The following SDHAF2 variants were observed in gnomAD, a reference collection of about 807,000 sequenced individuals.
SDHAF2 encodes the protein succinate dehydrogenase assembly factor 2, mitochondrial.
Under a neutral mutation model 18.5 loss-of-function variants are expected in SDHAF2, and 21 were observed. The observed-to-expected ratio is 1.13, with a 90% CI of 0.80 to 1.63. SDHAF2 has a LOEUF of 1.63. SDHAF2 is among the 40% of genes most tolerant of loss of function. The probability of loss-of-function intolerance (pLI) is 0.00; values close to 1 mark genes in which losing one functional copy is unlikely to be tolerated. For synonymous variants in SDHAF2, 84 were observed against 70.7 expected (o/e 1.19, Z -0.94); for missense variants, 195 against 200.3 (o/e 0.97, Z 0.16).
At chr11:61,431,801 A>T (rs547164762) in intron 1 of SDHAF2, 2 of 152,160 alleles carry the variant, frequency 1.3e-5, no homozygotes, top group African/African-American at 4.8e-5. Flanking sequence ...GGTTCACGCC[A>T]ATCTCCTGGT....
chr11:61,435,470 A>G (rs1861981857), intron 1 of SDHAF2: 1 of 152,134 alleles, frequency 6.6e-6, no homozygotes, highest in Non-Finnish European at 1.5e-5. Context: ...GGTAACTTGT[A>G]CTGGTGATTT....
intron 1 of SDHAF2, chr11:61,436,842 C>T: frequency 1.6e-6 from 2 of 1,279,392 alleles, no homozygotes; most frequent in Non-Finnish European, 2.0e-6. Context: ...ACCATCTTCA[C>T]CTCTTGCTGA....
chr11:61,441,887 C>CTT lies in SDHAF2; in HGVS notation c.370+3787_370+3788dup, dbSNP rs71046723. 4.2e-3 allele frequency among the ~76,000 whole-genome samples: 593 copies of CTT among 140,674 alleles called. 4 individuals carry two copies. Among genetic ancestry groups the CTT allele is most frequent in the Non-Finnish European group, 6.6e-3 (431 of 65,344 alleles). The allele number at this position is 140,674 out of a possible 152,430, so 92.3% of individuals were successfully genotyped here. On this transcript the variant is annotated intron_variant, in intron 3 of 3. Transcript: ENST00000301761. ...AAATTCCGCCCCCCACCACTCCTCC[C>CTT]TTTTTTTTTTTTTTGAGACAGGATC...
In SDHAF2 at chr11:61,437,836, G is replaced by T. The variant is rs982336783; in HGVS notation, c.248G>T (p.Cys83Phe). The T allele has an allele frequency of 3.7e-6, 6 of 1,613,450 alleles. No individual in the cohort carries two copies. In the African/African-American group the frequency reaches 8.0e-5, roughly 22 times the overall value. The change falls in exon 2 of 4, where the codon TGC (cysteine) becomes TTC (phenylalanine). Residue 83 changes from cysteine to phenylalanine, a missense_variant. Coordinates refer to ENST00000301761, the MANE Select transcript of SDHAF2 (RefSeq NM_017841.4). Reference sequence around the variant, plus strand: ...AGAAAGAGGGGAATGTTGGAAAACTGCATTCTTCTTAGGTATGGGACTAGG... The same window carrying T: ...AGAAAGAGGGGAATGTTGGAAAACTTCATTCTTCTTAGGTATGGGACTAGG... Reference protein sequence around the residue: ...ESRKRGMLENCILLSLFAKEH... With the variant: ...ESRKRGMLENFILLSLFAKEH...
chr11:61,446,302 A>C lies in SDHAF2; in HGVS notation c.*231A>C, dbSNP rs1017477009. The C allele has an allele frequency of 9.7e-6, 6 of 616,728 alleles. No individual in the cohort carries two copies. The highest frequency in any genetic ancestry group is 1.7e-5 in the Non-Finnish European group (6 of 346,242). The allele number at this position is 616,728 out of a possible 1,614,324, so 38.2% of individuals were successfully genotyped here. On this transcript the variant is annotated 3_prime_UTR_variant, in exon 4 of 4. Transcript: ENST00000301761. ...TGAGCCTCAAAAGTGATTTGTCAGC[A>C]GCGCTGGCATGCAGGCTTTGCCTGG...
chr11:61,431,029 CT>C (rs548043341), intron 1 of SDHAF2: 5,984 of 144,934 alleles, frequency 0.041, 351 homozygotes, highest in African/African-American at 0.13. Flanking sequence ...TGTTGTTTTC[CT>C]TTTTTTTTTT....
intron 1 of SDHAF2, 81 bp from the exon 2 acceptor site, chr11:61,437,544 C>CA: frequency 8.3e-7 from 1 of 1,211,250 alleles, no homozygotes; most frequent in Non-Finnish European, 1.2e-6. Flanking sequence ...TGAATGCATT[C>CA]AGCACCTAGT....
chr11:61,434,523 G>A (rs1861969987), intron 1 of SDHAF2: 1 of 148,834 alleles, frequency 6.7e-6, no homozygotes. Context: ...TCTCTTATAC[G>A]ACTCTCATAA....
intron 3 of SDHAF2, among the ~76,000 whole-genome samples, chr11:61,445,509 T>G (rs150161665): frequency 2.1e-4 from 32 of 152,320 alleles, no homozygotes; most frequent in South Asian, 2.1e-3. Flanking sequence ...TCAAGAGATA[T>G]ATACATTGCA....
intron 3 of SDHAF2, among the ~76,000 whole-genome samples, chr11:61,443,982 C>G (rs1253830378): frequency 6.6e-6 from 1 of 152,158 alleles, no homozygotes; most frequent in Non-Finnish European, 1.5e-5. Flanking sequence ...ACCGTTTTAG[C>G]CAGGATGGTC....
At chr11:61,445,358 T>C (rs1267861514) in intron 3 of SDHAF2, among the ~76,000 whole-genome samples, 2 of 152,220 alleles carry the variant, frequency 1.3e-5, no homozygotes, top group African/African-American at 4.8e-5. Flanking sequence ...TGAAATCTGG[T>C]TCTTTAGGCT....
chr11:61,430,152 GGTGTCTACAGT>G lies in SDHAF2; in HGVS notation c.9_19del (p.Ser4LeufsTer31). ...TTCCGGTGCAGGTGGGGAAAATGGCGGTGTCTACAGTGTTCTCGACTTCGTCGCTGGTGAGG... is the reference window on the plus strand; with the variant it reads ...TTCCGGTGCAGGTGGGGAAAATGGCGGTTCTCGACTTCGTCGCTGGTGAGG... On this transcript the variant is annotated frameshift_variant, in exon 1 of 4. Transcript: ENST00000301761. LOFTEE classifies it high-confidence loss of function. The G allele has an allele frequency of 3.1e-6, 5 of 1,614,222 alleles. No individual in the cohort carries two copies. The highest frequency in any genetic ancestry group is 4.2e-6 in the Non-Finnish European group (5 of 1,180,024).
intron 3 of SDHAF2, among the ~76,000 whole-genome samples, chr11:61,445,692 A>G (rs993491772): frequency 7.2e-5 from 11 of 152,222 alleles, no homozygotes; most frequent in African/African-American, 2.7e-4. Context: ...TGCTGTCATA[A>G]CACAAAAGGA....
At chr11:61,443,186 A>G (rs955906252) in intron 3 of SDHAF2, among the ~76,000 whole-genome samples, 1 of 152,206 alleles carries the variant, frequency 6.6e-6, no homozygotes. Flanking sequence ...GATGATGTCA[A>G]ATCTCATGAT....
chr11:61,438,921 G>A (rs909587303), intron 3 of SDHAF2, among the ~76,000 whole-genome samples: 1 of 152,058 alleles, frequency 6.6e-6, no homozygotes, highest in Non-Finnish European at 1.5e-5. Context: ...GCGGACAACT[G>A]CAGTCTCAGC....
chr11:61,445,914 T>G, intron 3 of SDHAF2, 27 bp from the exon 4 acceptor site: 3 of 1,613,942 alleles, frequency 1.9e-6, no homozygotes, highest in Non-Finnish European at 1.7e-6. Flanking sequence ...TATGGCATAA[T>G]TTTTTCTGCC....
At chr11:61,434,610 T>TTTTTTTTTTTTTTTTTTTTTTA (rs1861972086) in intron 1 of SDHAF2, 1 of 150,272 alleles carries the variant, frequency 6.7e-6, no homozygotes, top group African/African-American at 2.5e-5. Flanking sequence ...TTTTTTTTTT[T>TTTTTTTTTTTTTTTTTTTTTTA]AGAAAAAACC....
intron 1 of SDHAF2, chr11:61,430,395 T>TA: frequency 1.6e-6 from 1 of 634,250 alleles, no homozygotes. Context: ...AATATCTGCT[T>TA]AAACGATCAG....
At position 61,430,151 on chromosome 11, in the gene SDHAF2, C is replaced by T. The variant is rs867394650; in HGVS notation, c.5C>T (p.Ala2Val). M[A>V]VSTVFSTSSL... is the part of the protein sequence containing the mutation. ...TTTCCGGTGCAGGTGGGGAAAATGG[C>T]GGTGTCTACAGTGTTCTCGACTTCG... The change falls in exon 1 of 4, where the codon GCG (alanine) becomes GTG (valine). Residue 2 changes from alanine (A) to valine (V), a missense_variant. Ala to Val is a moderately conservative substitution (Grantham distance 64). Transcript: ENST00000301761. The T allele has an allele frequency of 3.1e-6, 5 of 1,614,184 alleles. No individual in the cohort carries two copies. The highest frequency in any genetic ancestry group is 3.4e-6 in the Non-Finnish European group (4 of 1,180,008).
Sources: allele counts gnomAD v4.1 joint callset (sites outside exome capture counted in the v4.1 genomes callset), GRCh38; gene constraint gnomAD v4.1.1; transcripts MANE v1.5; gene names NCBI Gene and HGNC (gene_info 2026-07-23, HGNC 2026-07-21).